Variants in ATXN2 observed in about 807,000 individuals in gnomAD.
ATXN2 encodes the protein ataxin-2.
A neutral mutation model predicts 138.6 loss-of-function variants in ATXN2; 37 were observed. The observed-to-expected ratio is 0.27, with a 90% confidence interval of 0.21 to 0.35. The LOEUF (loss-of-function observed/expected upper bound fraction) is 0.35, where lower values mean the gene tolerates loss of function less well. ATXN2 is among the 10% of genes least tolerant of loss of function. The pLI, the probability that ATXN2 is intolerant of heterozygous loss-of-function variation, is 1.00. For synonymous variants in ATXN2, 549 were observed against 543.7 expected (o/e 1.01, Z -0.13); for missense variants, 1,216 against 1,480.3 (o/e 0.82, Z 2.93).
chr12:111,565,995 CAAA>C (rs879709372), intron 1 of ATXN2, among the ~76,000 whole-genome samples: 1 of 105,930 alleles, frequency 9.4e-6, no homozygotes. Context: ...GATTCTGTCT[CAAA>C]AAAAAAAAAA....
chr12:111,576,132 T>TAAAA (rs1883632181), intron 1 of ATXN2, among the ~76,000 whole-genome samples: 1 of 138,488 alleles, frequency 7.2e-6, no homozygotes, highest in African/African-American at 2.6e-5. Context: ...TAACATAACA[T>TAAAA]AACATCACAC....
At chr12:111,485,021 C>A (rs945867186) in intron 18 of ATXN2, 72 of 373,502 alleles carry the variant, frequency 1.9e-4, no homozygotes, top group African/African-American at 1.4e-3. Context: ...AGCCATCACA[C>A]CAGGCCTCCA....
chr12:111,512,985 A>G (rs1879631563), intron 11 of ATXN2: 1 of 188,962 alleles, frequency 5.3e-6, no homozygotes, highest in South Asian at 1.1e-4. Context: ...GGTCCCTCCA[A>G]ATAGTGTTAC....
intron 21 of ATXN2, 30 bp downstream of exon 21, chr12:111,464,632 T>C: frequency 1.3e-6 from 2 of 1,553,806 alleles, no homozygotes; most frequent in Non-Finnish European, 1.8e-6. Flanking sequence ...TACTGTACAA[T>C]TAAAAATTAG....
At chr12:111,477,643 G>A (rs1303297983) in intron 18 of ATXN2, among the ~76,000 whole-genome samples, 1 of 152,128 alleles carries the variant, frequency 6.6e-6, no homozygotes, top group Non-Finnish European at 1.5e-5. Flanking sequence ...CGCAGACTGG[G>A]AGAAAATATT....
chr12:111,531,273 C>T (rs1157894456), intron 5 of ATXN2, among the ~76,000 whole-genome samples: 4 of 151,864 alleles, frequency 2.6e-5, no homozygotes, highest in Non-Finnish European at 5.9e-5. Flanking sequence ...ATTAGGTAGG[C>T]GTGGTGGTAC....
rs957198939 is a variant in ATXN2, at chr12:111,551,065, G to A, written c.571+1215C>T. 4.6e-5 allele frequency among the ~76,000 whole-genome samples: 7 copies of A among 152,154 alleles called. No homozygotes were observed. The South Asian group carries it at 8.3e-4, about 18-fold the overall frequency. On this transcript the variant is annotated intron_variant, in intron 5 of 24. Coordinates refer to ENST00000673436, the MANE Select transcript of ATXN2 (RefSeq NM_001372574.1). ...TGTAATTCCAGCACTTTGGGAGGCCGAGGCGGGCGGATCACGAGGTCAAAC... is the reference window on the plus strand; with the variant it reads ...TGTAATTCCAGCACTTTGGGAGGCCAAGGCGGGCGGATCACGAGGTCAAAC...
At chr12:111,570,407 T>C (rs999766253) in intron 1 of ATXN2, among the ~76,000 whole-genome samples, 5 of 152,236 alleles carry the variant, frequency 3.3e-5, no homozygotes, top group East Asian at 1.9e-4. Flanking sequence ...TCTAAATACG[T>C]TGAAATTTTA....
intron 18 of ATXN2, among the ~76,000 whole-genome samples, chr12:111,478,017 A>C (rs1876945931): frequency 6.6e-6 from 1 of 151,342 alleles, no homozygotes; most frequent in African/African-American, 2.4e-5. Flanking sequence ...GGCTGGTCTC[A>C]AACTGTTGGC....
intron 15 of ATXN2, 70 bp from the exon 16 acceptor site, chr12:111,486,894 C>T: frequency 7.6e-7 from 1 of 1,309,674 alleles, no homozygotes; most frequent in South Asian, 1.3e-5. Flanking sequence ...CCATACCTGA[C>T]AATTTAAAAA....
At chr12:111,583,496 T>C (rs929243488) in intron 1 of ATXN2, among the ~76,000 whole-genome samples, 6 of 151,982 alleles carry the variant, frequency 3.9e-5, no homozygotes, top group Non-Finnish European at 4.4e-5. Context: ...CCAGGCACGG[T>C]AGATCATGCC....
chr12:111,533,372 C>A (rs955032616), intron 5 of ATXN2, among the ~76,000 whole-genome samples: 3 of 152,120 alleles, frequency 2.0e-5, no homozygotes, highest in Non-Finnish European at 4.4e-5. Flanking sequence ...CATACTCTCG[C>A]ATACTTTAAA....
chr12:111,482,008 G>T (rs1008804232), intron 18 of ATXN2, among the ~76,000 whole-genome samples: 35 of 152,008 alleles, frequency 2.3e-4, no homozygotes, highest in African/African-American at 8.2e-4. Context: ...ATTACTCATT[G>T]CCAGAAAAAG....
At chr12:111,543,264 T>G (rs955118004) in intron 5 of ATXN2, among the ~76,000 whole-genome samples, 4 of 152,162 alleles carry the variant, frequency 2.6e-5, no homozygotes, top group Admixed American at 2.6e-4. Flanking sequence ...AAGAGATCCC[T>G]GTTTGTTACT....
rs1403803357 is a variant in ATXN2 at position 111,540,251 on chromosome 12, AAAT to A, written c.571+12026_571+12028del. Among the ~76,000 whole-genome samples, 11 of 150,582 alleles carry A rather than the reference AAAT, an allele frequency of 7.3e-5. 1 individual carries two copies. The highest frequency in any genetic ancestry group is 1.5e-4 in the Non-Finnish European group (10 of 67,156). ...TGAAACCATCCAAGACAAGAGAAAA[AAAT>A]AATACTAAAACTAGATAGTAAGTAT... On this transcript the variant is annotated intron_variant, in intron 5 of 24. Transcript: ENST00000673436.
chr12:111,534,008 GA>G (rs201795384), intron 5 of ATXN2, among the ~76,000 whole-genome samples: 2 of 147,988 alleles, frequency 1.4e-5, no homozygotes, highest in African/African-American at 2.5e-5. Context: ...CTATGTAAGA[GA>G]AAAAAAAACA....
chr12:111,568,394 T>C (rs1458685926), intron 1 of ATXN2, among the ~76,000 whole-genome samples: 1 of 152,216 alleles, frequency 6.6e-6, no homozygotes, highest in Admixed American at 6.5e-5. Flanking sequence ...TCCATCACCA[T>C]TTTTCAACAC....
intron 18 of ATXN2, among the ~76,000 whole-genome samples, chr12:111,473,766 A>G (rs1230568114): frequency 1.4e-4 from 9 of 65,818 alleles, no homozygotes; most frequent in East Asian, 0.013. Context: ...ACATTGGGGA[A>G]AAAAAAAAAA....
intron 18 of ATXN2, among the ~76,000 whole-genome samples, chr12:111,472,122 C>T (rs1202574383): frequency 6.6e-6 from 1 of 152,090 alleles, no homozygotes; most frequent in Non-Finnish European, 1.5e-5. Context: ...AAAATATTAG[C>T]CAGCTGCGGT....
Sources: gnomAD v4.1 joint callset for allele counts (sites outside exome capture counted in the v4.1 genomes callset) on GRCh38, gnomAD v4.1.1 for gene constraint, MANE v1.5 for transcripts, NCBI Gene and HGNC (gene_info 2026-07-23, HGNC 2026-07-21) for gene names.